The following ATP9B variants were observed in gnomAD, a reference collection of about 807,000 sequenced individuals.
ATP9B encodes the protein ATPase phospholipid transporting 9B.
ATP9B carries 110 observed loss-of-function variants against 146.1 expected under a neutral mutation model. That is an observed-to-expected ratio of 0.75 (90% CI 0.65 to 0.88). The LOEUF (loss-of-function observed/expected upper bound fraction) is 0.88. Among genes scored for constraint, ATP9B ranks in the 40% least tolerant of loss-of-function variants. The pLI, the probability that ATP9B is intolerant of heterozygous loss-of-function variation, is 0.00. For missense variants in ATP9B, 1,499 were observed against 1,496.4 expected, an observed-to-expected ratio of 1.00 and a Z score of -0.03; for synonymous variants, 604 against 569.7, an observed-to-expected ratio of 1.06 and a Z score of -0.86.
intron 6 of ATP9B, among the ~76,000 whole-genome samples, chr18:79,148,475 T>G (rs2094627951): frequency 6.6e-6 from 1 of 152,198 alleles, no homozygotes. Flanking sequence ...TAATCTACGC[T>G]ATCAACAGAA....
intron 1 of ATP9B, among the ~76,000 whole-genome samples, chr18:79,072,998 G>A (rs902619160): frequency 4.0e-5 from 6 of 149,258 alleles, no homozygotes; most frequent in Non-Finnish European, 7.4e-5. Flanking sequence ...ACGGGATGAC[G>A]GCCAGGAAGA....
chr18:79,171,884 TTTTG>T (rs1555725031), intron 7 of ATP9B, among the ~76,000 whole-genome samples: 2 of 150,778 alleles, frequency 1.3e-5, no homozygotes, highest in Non-Finnish European at 1.5e-5. Flanking sequence ...ACTCGTTTTT[TTTTG>T]TTTGTTTGTT....
At chr18:79,345,945 C>G in intron 23 of ATP9B, 106 bp downstream of exon 23, 1 of 1,260,468 alleles carries the variant, frequency 7.9e-7, no homozygotes, top group Non-Finnish European at 1.1e-6. Flanking sequence ...GGTCAGTGCA[C>G]GTCAGCATGT....
At chr18:79,168,936 TCTC>T (rs1166307624) in intron 7 of ATP9B, among the ~76,000 whole-genome samples, 3 of 152,042 alleles carry the variant, frequency 2.0e-5, no homozygotes, top group African/African-American at 4.8e-5. Context: ...CCTTCTCTCT[TCTC>T]CTCTCCAGCC....
rs1422530801 is a variant in ATP9B at position 79,253,462 on chromosome 18, A to ACCTTGG, written c.1193_1194insGGCCTT (p.Leu398_Gln399insAlaLeu). ...AGTTGCTCTTTCCATTGTTATGGTA[A>ACCTTGG]CCTTACAAGGATTTGTGGGTCCATG... On this transcript the variant is annotated inframe_insertion, in exon 12 of 30. Coordinates refer to ENST00000426216, the MANE Select transcript of ATP9B (RefSeq NM_198531.5). The ACCTTGG allele has an allele frequency of 6.2e-7, 1 of 1,613,508 alleles. No homozygotes were observed. Among genetic ancestry groups the ACCTTGG allele is most frequent in the African/African-American group, 1.3e-5 (1 of 74,870 alleles).
chr18:79,347,780 A>G lies in ATP9B; in HGVS notation c.2693A>G (p.Gln898Arg). The G allele has an allele frequency of 1.9e-6, 3 of 1,572,888 alleles. No homozygotes were observed. Among genetic ancestry groups the G allele is most frequent in the Non-Finnish European group, 2.6e-6 (3 of 1,158,892 alleles). Residue 898 changes from glutamine (Q) to arginine (R), a missense_variant, in exon 24 of 30, where the codon CAG (glutamine) becomes CGG (arginine). By Grantham distance (43) the Gln-to-Arg change is conservative. Transcript: ENST00000426216. ...GIGIEGKEGK[Q>R]ASLAADFSIT... ...GTGCTTTTCTCTCAGGAGGGTAAAC[A>G]GGCCTCGCTGGCGGCCGACTTCTCC...
intron 12 of ATP9B, among the ~76,000 whole-genome samples, chr18:79,265,947 T>C (rs1421698262): frequency 6.6e-6 from 1 of 152,236 alleles, no homozygotes; most frequent in Non-Finnish European, 1.5e-5. Context: ...GTTTCTCTCT[T>C]CTGCAAATGG....
At chr18:79,300,675 A>C (rs1450174029) in intron 13 of ATP9B, among the ~76,000 whole-genome samples, 2 of 152,252 alleles carry the variant, frequency 1.3e-5, no homozygotes, top group African/African-American at 4.8e-5. Context: ...AGGGCCTGTC[A>C]CAGCCGCCCA....
At chr18:79,260,477 A>C (rs1422957491) in intron 12 of ATP9B, among the ~76,000 whole-genome samples, 1 of 152,182 alleles carries the variant, frequency 6.6e-6, no homozygotes, top group African/African-American at 2.4e-5. Flanking sequence ...TAAAGGATCT[A>C]CTCAGCAACT....
intron 11 of ATP9B, among the ~76,000 whole-genome samples, chr18:79,244,497 T>C (rs2095922625): frequency 6.6e-6 from 1 of 152,172 alleles, no homozygotes; most frequent in South Asian, 2.1e-4. Flanking sequence ...GACCTTGTGC[T>C]TGGGAATTTC....
At chr18:79,234,249 G>T (rs2095818307) in intron 11 of ATP9B, among the ~76,000 whole-genome samples, 1 of 152,152 alleles carries the variant, frequency 6.6e-6, no homozygotes, top group Non-Finnish European at 1.5e-5. Flanking sequence ...GTAAACATGG[G>T]TTTTTTTAAC....
chr18:79,182,710 A>T (rs1401769392), intron 8 of ATP9B, among the ~76,000 whole-genome samples: 2 of 152,254 alleles, frequency 1.3e-5, no homozygotes, highest in African/African-American at 2.4e-5. Context: ...GAAAAATATT[A>T]AGTTCCTTGT....
At chr18:79,108,712 G>GT in intron 2 of ATP9B, among the ~76,000 whole-genome samples, 1 of 152,290 alleles carries the variant, frequency 6.6e-6, no homozygotes, top group South Asian at 2.1e-4. Flanking sequence ...AACAGTCCCT[G>GT]TTAGGGATGG....
chr18:79,265,330 C>A (rs1486364233), intron 12 of ATP9B, among the ~76,000 whole-genome samples: 1 of 152,070 alleles, frequency 6.6e-6, no homozygotes. Flanking sequence ...CATTGATGGG[C>A]ATTTAGGTTT....
At chr18:79,139,186 G>T (rs371163120) in intron 5 of ATP9B, among the ~76,000 whole-genome samples, 4 of 152,126 alleles carry the variant, frequency 2.6e-5, no homozygotes, top group Admixed American at 2.0e-4. Context: ...GCCTTAATCC[G>T]TTATGACATT....
chr18:79,084,141 G>C (rs1449601047), intron 1 of ATP9B, among the ~76,000 whole-genome samples: 1 of 150,398 alleles, frequency 6.6e-6, no homozygotes, highest in Non-Finnish European at 1.5e-5. Flanking sequence ...ACAGGCGTGA[G>C]CCACTGCGCC....
At chr18:79,233,633 C>T (rs556408065) in intron 11 of ATP9B, among the ~76,000 whole-genome samples, 3 of 152,218 alleles carry the variant, frequency 2.0e-5, no homozygotes, top group South Asian at 2.1e-4. Context: ...TTAGGTGTGT[C>T]GTTACAGATG....
intron 12 of ATP9B, among the ~76,000 whole-genome samples, chr18:79,260,344 C>A (rs751688340): frequency 3.9e-5 from 6 of 152,268 alleles, no homozygotes; most frequent in Admixed American, 3.9e-4. Context: ...CTCATTATCA[C>A]GAGAACAGCA....
In ATP9B at chr18:79,119,062, CCG is replaced by C. The variant is rs1387834366; in HGVS notation, c.558+5709_558+5710del. 4.4e-3 allele frequency among the ~76,000 whole-genome samples: 656 copies of C among 148,796 alleles called. 5 individuals are homozygous for C. The highest frequency in any genetic ancestry group is 0.02 in the South Asian group (95 of 4,702). On this transcript the variant is annotated intron_variant, in intron 4 of 29. Coordinates refer to ENST00000426216, the MANE Select transcript of ATP9B (RefSeq NM_198531.5). ...CTGAAGCCTGGGTAACAGAGCGAGA[CCG>C]TGTCTTAAAAAAAAAAAAAAAAAAA... is the stretch of plus-strand genomic sequence containing the variant.
Sources: gnomAD v4.1 joint callset for allele counts (sites outside exome capture counted in the v4.1 genomes callset) on GRCh38, gnomAD v4.1.1 for gene constraint, MANE v1.5 for transcripts, NCBI Gene and HGNC (gene_info 2026-07-23, HGNC 2026-07-21) for gene names.